NLRP5: variants seen among roughly 807,000 people sequenced by gnomAD.
NLRP5 encodes NACHT, LRR and PYD domains-containing protein 5.
A neutral mutation model predicts 113.1 loss-of-function variants in NLRP5; 93 were observed. The observed-to-expected ratio is 0.82, with a 90% CI of 0.70 to 0.98. The LOEUF (loss-of-function observed/expected upper bound fraction) is 0.98, where lower values mean the gene tolerates loss of function less well. Among genes scored for constraint, NLRP5 ranks in the 50% least tolerant of loss-of-function variants. The pLI is 0.00. For synonymous variants in NLRP5, 751 were observed against 600.7 expected, an observed-to-expected ratio of 1.25 and a Z score of -3.66; for missense variants, 1,808 against 1,514.3, an observed-to-expected ratio of 1.19 and a Z score of -3.22.
intron 12 of NLRP5, among the ~76,000 whole-genome samples, chr19:56,052,557 A>G (rs1016383789): frequency 3.3e-5 from 5 of 152,170 alleles, no homozygotes; most frequent in African/African-American, 1.2e-4. Context: ...GGCGTGAGCC[A>G]CTGTACCCAG....
At chr19:56,032,585 C>T (rs749850367) in intron 7 of NLRP5, 26 bp from the exon 8 acceptor site, 2 of 1,600,270 alleles carry the variant, frequency 1.2e-6, no homozygotes, top group Non-Finnish European at 1.7e-6. Context: ...TCCCATGAGC[C>T]CATGTTTCTA....
Position 56,004,027 on chromosome 19 carries a change from C to T in NLRP5, c.374C>T (p.Thr125Met), listed in dbSNP as rs866571014. Residue 125 changes from threonine to methionine, a missense_variant, in exon 2 of 15, where the codon ACG (threonine) becomes ATG (methionine). Transcript: ENST00000390649. ...TATGGAGCATCGCTGGCCTGGGCTA[C>T]GTCCATTAGCATCTTTGAAAACATG... 1.4e-5 allele frequency: 22 copies of T among 1,613,664 alleles called. No homozygotes were observed. The highest frequency in any genetic ancestry group is 1.2e-4 in the African/African-American group (9 of 74,898).
At position 56,027,272 on chromosome 19, in the gene NLRP5, G is replaced by T; in HGVS notation, c.1039G>T (p.Val347Leu). ...GGAGTGGCCAGACTCCCAGGCTCCGGTGACGGAGATCATGTCCCGACCAGA... is the reference window on the plus strand; with the variant it reads ...GGAGTGGCCAGACTCCCAGGCTCCGTTGACGGAGATCATGTCCCGACCAGA... Residue 347 changes from valine to leucine, a missense_variant, in exon 7 of 15, where the codon GTG (valine) becomes TTG (leucine). Physicochemically the swap from Val to Leu is conservative, Grantham distance 32. Coordinates refer to ENST00000390649, the MANE Select transcript of NLRP5 (RefSeq NM_153447.4). 6.2e-7 allele frequency: 1 copy of T among 1,612,238 alleles called. No individual in the cohort carries two copies.
intron 2 of NLRP5, among the ~76,000 whole-genome samples, chr19:56,008,507 A>G (rs536594182): frequency 6.6e-6 from 1 of 152,204 alleles, no homozygotes; most frequent in African/African-American, 2.4e-5. Context: ...CTGAAAAGAA[A>G]CTTAATCACC....
the NLRP5 span, among the ~76,000 whole-genome samples, chr19:55,992,469 A>G: frequency 3.3e-5 from 5 of 152,138 alleles, no homozygotes; most frequent in African/African-American, 7.2e-5. Context: ...AGCTGAACTG[A>G]TTTACACTCC....
chr19:56,059,059 G>T (rs1462434614), intron 14 of NLRP5, among the ~76,000 whole-genome samples: 1 of 152,202 alleles, frequency 6.6e-6, no homozygotes. Flanking sequence ...TGAGGGGTTG[G>T]GGAGTTGTGT....
At chr19:56,008,337 C>G (rs149478563) in intron 2 of NLRP5, among the ~76,000 whole-genome samples, 3 of 152,072 alleles carry the variant, frequency 2.0e-5, no homozygotes, top group Non-Finnish European at 4.4e-5. Context: ...TGGCCTCACC[C>G]CATGGAAGAG....
upstream of NLRP5, among the ~76,000 whole-genome samples, chr19:55,998,688 A>ATATATATGTGTGTGTGTGTGTGTG (rs1568478179): frequency 2.0e-5 from 1 of 50,292 alleles, no homozygotes; most frequent in Non-Finnish European, 3.5e-5. Context: ...ATATATATAT[A>ATATATATGTGTGTGTGTGTGTGTG]TATATATATA....
chr19:56,028,203 T>C lies in NLRP5; in HGVS notation c.1970T>C (p.Val657Ala), dbSNP rs780052644. ...CTGGAGGTCCTGCTGGGCTGTCCCG[T>C]TCCCCTGGGGGTGAAGCAGAAGCTT... is the stretch of plus-strand genomic sequence containing the variant. The change falls in exon 7 of 15, where the codon GTT (valine) becomes GCT (alanine). Residue 657 changes from valine to alanine, a missense_variant. Coordinates refer to ENST00000390649, the MANE Select transcript of NLRP5 (RefSeq NM_153447.4). The C allele has an allele frequency of 6.2e-6, 10 of 1,613,838 alleles. No individual in the cohort carries two copies. The highest frequency in any genetic ancestry group is 7.6e-6 in the Non-Finnish European group (9 of 1,179,906).
At chr19:55,995,005 T>C (rs894997516), upstream of NLRP5, among the ~76,000 whole-genome samples, 2 of 152,186 alleles carry the variant, frequency 1.3e-5, no homozygotes, top group African/African-American at 4.8e-5. Flanking sequence ...ACAGTGTACT[T>C]TCCCTAATCT....
At chr19:55,990,525 T>C in the NLRP5 span, among the ~76,000 whole-genome samples, 1 of 151,936 alleles carries the variant, frequency 6.6e-6, no homozygotes, top group Admixed American at 6.6e-5. Context: ...ATACCCTGTC[T>C]ACTAAAAATA....
At chr19:55,993,846 T>G in the NLRP5 span, among the ~76,000 whole-genome samples, 3 of 151,086 alleles carry the variant, frequency 2.0e-5, no homozygotes, top group African/African-American at 7.3e-5. Flanking sequence ...GGCTGAAACA[T>G]GTTCCCTTGT....
In NLRP5 at chr19:56,027,688, C is replaced by T. The variant is rs779934994; in HGVS notation, c.1455C>T (p.Asp485=). The T allele has an allele frequency of 9.9e-6, 16 of 1,613,344 alleles. No homozygotes were observed. In the East Asian group the frequency reaches 1.3e-4, roughly 13 times the overall value. Reference sequence around the variant, plus strand: ...TCTGCGTGGCCCTGCAGCTGCAGGACGTGGTGGGGGAGAGCGTCGCCCCCT... The same window carrying T: ...TCTGCGTGGCCCTGCAGCTGCAGGATGTGGTGGGGGAGAGCGTCGCCCCCT... The change falls in exon 7 of 15, where the codon GAC becomes GAT. Residue 485 remains aspartate, a synonymous_variant. Transcript: ENST00000390649.
the NLRP5 span, among the ~76,000 whole-genome samples, chr19:55,994,576 C>T: frequency 0.99 from 150,010 of 152,254 alleles, 73,919 homozygotes; most frequent in East Asian, 1. Context: ...TTTTGTATTT[C>T]TAGTAGAGAT....
chr19:56,000,573 C>G (rs556881882), intron 1 of NLRP5, among the ~76,000 whole-genome samples: 3 of 151,800 alleles, frequency 2.0e-5, no homozygotes, highest in African/African-American at 7.2e-5. Context: ...ACCGTGTTAG[C>G]CAGGATGGTC....
chr19:56,012,440 G>C (rs758176684), intron 3 of NLRP5, among the ~76,000 whole-genome samples: 1 of 130,264 alleles, frequency 7.7e-6, no homozygotes, highest in South Asian at 2.5e-4. Flanking sequence ...GAGCCACTGC[G>C]CCTTGGCCTT....
At chr19:56,002,730 C>T (rs1981705446) in intron 1 of NLRP5, among the ~76,000 whole-genome samples, 1 of 149,328 alleles carries the variant, frequency 6.7e-6, no homozygotes, top group Admixed American at 6.9e-5. Flanking sequence ...GCTTTTTGTC[C>T]TTGCGATAGT....
At chr19:56,013,392 C>G (rs1982275397) in intron 3 of NLRP5, among the ~76,000 whole-genome samples, 1 of 151,864 alleles carries the variant, frequency 6.6e-6, no homozygotes, top group Non-Finnish European at 1.5e-5. Context: ...CGGGGTTTCA[C>G]AGTGTTAGCC....
chr19:56,027,243 C>G lies in NLRP5; in HGVS notation c.1010C>G (p.Ser337Cys), dbSNP rs756380819. 27 of 1,612,568 alleles carry G rather than the reference C, an allele frequency of 1.7e-5. No homozygotes were observed. The highest frequency in any genetic ancestry group is 2.1e-5 in the Non-Finnish European group (25 of 1,179,754). ...GAGAGCAGTGTCACAGAGTTCATCT[C>G]CAGGGAGTGGCCAGACTCCCAGGCT... Residue 337 changes from serine (S) to cysteine (C), a missense_variant, in exon 7 of 15, where the codon TCC becomes TGC. Ser to Cys is a moderately radical substitution (Grantham distance 112). Transcript: ENST00000390649.
Sources: allele counts gnomAD v4.1 joint callset (sites outside exome capture counted in the v4.1 genomes callset), GRCh38; gene constraint gnomAD v4.1.1; transcripts MANE v1.5; gene names NCBI Gene and HGNC (gene_info 2026-07-23, HGNC 2026-07-21).